RANBP2: variants seen among roughly 807,000 people sequenced by gnomAD.
The protein encoded by RANBP2 is E3 SUMO-protein ligase RanBP2.
RANBP2 carries 57 observed loss-of-function variants against 303.6 expected under a neutral mutation model. The ratio of observed to expected loss-of-function variants is 0.19; its 90% confidence interval spans 0.15 to 0.23. The LOEUF is 0.23. Among genes scored for constraint, RANBP2 ranks in the 10% least tolerant of loss-of-function variants. The pLI, the probability that RANBP2 is intolerant of heterozygous loss-of-function variation, is 1.00. For synonymous variants in RANBP2, 1,167 were observed against 1,301.5 expected, an observed-to-expected ratio of 0.90 and a Z score of 2.23; for missense variants, 3,138 against 3,780.8, an observed-to-expected ratio of 0.83 and a Z score of 4.46.
chr2:108,872,498 A>G, the RANBP2 span, among the ~76,000 whole-genome samples: 11 of 152,194 alleles, frequency 7.2e-5, no homozygotes, highest in Admixed American at 2.0e-4. Context: ...AGCATATACC[A>G]CTTAGTCTGT....
intron 20 of RANBP2, among the ~76,000 whole-genome samples, chr2:108,769,535 C>G (rs576596998): frequency 3.6e-4 from 54 of 149,598 alleles, no homozygotes; most frequent in South Asian, 3.0e-3. Context: ...TTAAAATGTA[C>G]TGGGATGCTG....
the RANBP2 span, among the ~76,000 whole-genome samples, chr2:109,314,807 C>G: frequency 6.6e-6 from 1 of 152,172 alleles, no homozygotes; most frequent in Non-Finnish European, 1.5e-5. Context: ...ACAGTACTGG[C>G]ATCATATTTC....
chr2:109,545,869 G>T, the RANBP2 span: 1 of 1,443,868 alleles, frequency 6.9e-7, no homozygotes, highest in Non-Finnish European at 9.1e-7. Context: ...GTGCTGTTCT[G>T]GATGCTGGGG....
the RANBP2 span, among the ~76,000 whole-genome samples, chr2:109,612,862 A>G: frequency 6.6e-6 from 1 of 152,222 alleles, no homozygotes; most frequent in African/African-American, 2.4e-5. Flanking sequence ...AAACAAACCA[A>G]CGGTGTCACT....
Position 108,772,883 on chromosome 2 carries a change from GTAT to G in RANBP2, c.8134_8136del (p.Ile2712del). The G allele has an allele frequency of 6.2e-7, 1 of 1,613,852 alleles. No individual in the cohort carries two copies. Among genetic ancestry groups the G allele is most frequent in the Non-Finnish European group, 8.5e-7 (1 of 1,179,876 alleles). On this transcript the variant is annotated inframe_deletion, in exon 23 of 29. Coordinates refer to ENST00000283195, the MANE Select transcript of RANBP2 (RefSeq NM_006267.5). ...GATTTTTCAGATAATGAGAAAGAAT[GTAT>G]TATTGTTTGGGAAAAGAAACCAACA...
chr2:109,614,998 C>A, the RANBP2 span: 1 of 1,543,404 alleles, frequency 6.5e-7, no homozygotes. Context: ...ACTCCAGCCC[C>A]GGGGCCCAGC....
the RANBP2 span, among the ~76,000 whole-genome samples, chr2:109,118,493 T>G: frequency 6.7e-6 from 1 of 148,356 alleles, no homozygotes; most frequent in Non-Finnish European, 1.5e-5. Context: ...CCAGTCCTGC[T>G]GAGTGTCCGA....
chr2:109,631,045 G>A, the RANBP2 span, among the ~76,000 whole-genome samples: 1 of 152,224 alleles, frequency 6.6e-6, no homozygotes, highest in African/African-American at 2.4e-5. Context: ...CAGCCTGAGC[G>A]AGACTCCGTC....
the RANBP2 span, among the ~76,000 whole-genome samples, chr2:109,282,896 G>T: frequency 6.6e-6 from 1 of 152,126 alleles, no homozygotes; most frequent in Non-Finnish European, 1.5e-5. Context: ...GGCCCCTGTA[G>T]ACTCAGGTGA....
At chr2:109,271,815 G>A in the RANBP2 span, among the ~76,000 whole-genome samples, 1 of 152,174 alleles carries the variant, frequency 6.6e-6, no homozygotes, top group Non-Finnish European at 1.5e-5. Context: ...TTAAAATGCT[G>A]TACAAATCTG....
At chr2:108,930,710 A>T in the RANBP2 span, among the ~76,000 whole-genome samples, 1 of 152,130 alleles carries the variant, frequency 6.6e-6, no homozygotes, top group Non-Finnish European at 1.5e-5. Context: ...TGTGTGTATC[A>T]CACCACAAAC....
chr2:108,753,405 A>G (rs1341966942), intron 13 of RANBP2, 21 bp from the exon 14 acceptor site: 1 of 1,611,458 alleles, frequency 6.2e-7, no homozygotes, highest in Admixed American at 1.7e-5. Context: ...AATTTGACTA[A>G]AAACTATTCT....
the RANBP2 span, among the ~76,000 whole-genome samples, chr2:109,272,466 T>C: frequency 1.3e-5 from 2 of 152,202 alleles, no homozygotes; most frequent in African/African-American, 4.8e-5. Flanking sequence ...GCTTTCCTGG[T>C]GTGTGGGACG....
chr2:109,227,340 A>C, the RANBP2 span, among the ~76,000 whole-genome samples: 1,896 of 152,276 alleles, frequency 0.012, 47 homozygotes, highest in African/African-American at 0.043. Context: ...TCACAATACT[A>C]AGGGACTTCT....
the RANBP2 span, chr2:109,585,424 G>T: frequency 1.0e-6 from 1 of 960,520 alleles, no homozygotes; most frequent in Non-Finnish European, 1.6e-6. Flanking sequence ...TATTTCAAAG[G>T]CCAGGGTGCG....
At chr2:109,414,471 A>G in the RANBP2 span, among the ~76,000 whole-genome samples, 15 of 152,172 alleles carry the variant, frequency 9.9e-5, no homozygotes, top group Admixed American at 9.2e-4. Context: ...CATCATGGTC[A>G]GAGCAGAAGT....
At chr2:109,008,212 A>G in the RANBP2 span, among the ~76,000 whole-genome samples, 1 of 152,120 alleles carries the variant, frequency 6.6e-6, no homozygotes, top group Non-Finnish European at 1.5e-5. Flanking sequence ...GTGCTTCTGT[A>G]TTTTCACTGC....
chr2:109,574,573 C>A, the RANBP2 span: 1 of 1,491,232 alleles, frequency 6.7e-7, no homozygotes, highest in Non-Finnish European at 8.9e-7. Flanking sequence ...TTCCTTTCCT[C>A]AACCCACCTT....
the RANBP2 span, among the ~76,000 whole-genome samples, chr2:109,633,561 G>A: frequency 6.6e-6 from 1 of 152,132 alleles, no homozygotes. Context: ...TGCTTGGGTG[G>A]CAGAGGACCT....
Sources: allele counts gnomAD v4.1 joint callset (sites outside exome capture counted in the v4.1 genomes callset), GRCh38; gene constraint gnomAD v4.1.1; transcripts MANE v1.5; gene names NCBI Gene and HGNC (gene_info 2026-07-23, HGNC 2026-07-21).